UBE3A: variants seen among roughly 807,000 people sequenced by gnomAD.
The protein encoded by UBE3A is ubiquitin protein ligase E3A.
UBE3A carries 6 observed loss-of-function variants against 83.4 expected under a neutral mutation model. That is an observed-to-expected ratio of 0.07 (90% CI 0.04 to 0.14). The LOEUF (loss-of-function observed/expected upper bound fraction) is 0.14, where lower values mean the gene tolerates loss of function less well. UBE3A is among the 10% of genes least tolerant of loss of function. The pLI is 1.00. For synonymous variants in UBE3A, 337 were observed against 355.4 expected (o/e 0.95, Z 0.58); for missense variants, 456 against 1,036.1 (o/e 0.44, Z 7.69).
chr15:25,355,410 T>G (rs1439590650), intron 9 of UBE3A, among the ~76,000 whole-genome samples: 1 of 152,186 alleles, frequency 6.6e-6, no homozygotes, highest in Non-Finnish European at 1.5e-5. Context: ...TGTCATAATT[T>G]TTTGCTTGTT....
At chr15:25,390,712 T>C (rs1015906613) in intron 4 of UBE3A, among the ~76,000 whole-genome samples, 8 of 152,184 alleles carry the variant, frequency 5.3e-5, no homozygotes, top group Admixed American at 3.9e-4. Flanking sequence ...ATACATGTCA[T>C]TGTACTTTGT....
chr15:25,412,919 C>T (rs762384855), intron 1 of UBE3A: 5 of 379,226 alleles, frequency 1.3e-5, no homozygotes, highest in Non-Finnish European at 2.1e-5. Context: ...TCATTCAGTG[C>T]ATGAAGTAGG....
intron 6 of UBE3A, among the ~76,000 whole-genome samples, chr15:25,364,071 T>TAAATAAAA (rs1428292360): frequency 3.7e-4 from 55 of 150,618 alleles, no homozygotes; most frequent in African/African-American, 1.1e-3. Context: ...AATAAATAAA[T>TAAATAAAA]AAAAAATAGT....
intron 12 of UBE3A, chr15:25,339,620 C>T (rs971738712): frequency 1.1e-5 from 3 of 273,446 alleles, no homozygotes; most frequent in African/African-American, 6.7e-5. Context: ...AAGTAACTTC[C>T]TCTAAGGTGG....
chr15:25,363,007 T>C (rs2078376695), intron 6 of UBE3A, among the ~76,000 whole-genome samples: 1 of 152,178 alleles, frequency 6.6e-6, no homozygotes, highest in South Asian at 2.1e-4. Context: ...TTTTAAAGGA[T>C]GTGGTGGTGA....
chr15:25,355,817 C>T (rs986801956), intron 9 of UBE3A, 75 bp downstream of exon 9: 12 of 1,399,512 alleles, frequency 8.6e-6, no homozygotes, highest in Non-Finnish European at 1.2e-5. Flanking sequence ...TTAGATACTT[C>T]TTTAAAAATT....
chr15:25,425,783 G>C (rs966559780), intron 1 of UBE3A, among the ~76,000 whole-genome samples: 2 of 152,142 alleles, frequency 1.3e-5, no homozygotes, highest in East Asian at 3.9e-4. Flanking sequence ...AGGGATGGTG[G>C]GGCAACTACC....
chr15:25,384,223 G>A (rs1057054444), intron 4 of UBE3A, among the ~76,000 whole-genome samples: 1 of 152,074 alleles, frequency 6.6e-6, no homozygotes, highest in African/African-American at 2.4e-5. Context: ...AGTTTGGGAG[G>A]CCAAGGTGGG....
chr15:25,402,054 G>C (rs1298314767), intron 4 of UBE3A, among the ~76,000 whole-genome samples: 1 of 152,068 alleles, frequency 6.6e-6, no homozygotes, highest in Non-Finnish European at 1.5e-5. Flanking sequence ...CTTTATGGTT[G>C]GTTCAGGTGC....
chr15:25,371,906 T>C lies in UBE3A; in HGVS notation c.362-94A>G. 2 of 1,219,540 alleles carry C rather than the reference T, an allele frequency of 1.6e-6. No individual in the cohort carries two copies. Among genetic ancestry groups the C allele is most frequent in the Non-Finnish European group, 2.3e-6 (2 of 881,740 alleles). The allele number at this position is 1,219,540 out of a possible 1,614,324, so 75.5% of individuals were successfully genotyped here. A position where few individuals can be genotyped will look rare whatever the true frequency, so the allele number is the denominator to read the frequency against. ...TTCTAAAAGTAAAACAGCCAAACAT[T>C]CTAGGCTCAATATCATTTATGATAT... On this transcript the variant is annotated intron_variant, in intron 5 of 12. Coordinates refer to ENST00000648336, the MANE Select transcript of UBE3A (RefSeq NM_130839.5). The surrounding 1 kb of genome is among the most constrained non-coding windows in gnomAD (Gnocchi z 5.3).
intron 1 of UBE3A, among the ~76,000 whole-genome samples, chr15:25,412,781 A>G (rs1304303910): frequency 2.0e-5 from 3 of 152,182 alleles, no homozygotes; most frequent in Non-Finnish European, 4.4e-5. Context: ...CACTGCATAT[A>G]AAACATTTTG....
Position 25,373,078 on chromosome 15 carries a change from C to G in UBE3A, c.362-1266G>C, listed in dbSNP as rs563175373. On this transcript the variant is annotated intron_variant, in intron 5 of 12. Coordinates refer to ENST00000648336, the MANE Select transcript of UBE3A (RefSeq NM_130839.5). The stretch of plus-strand genomic sequence containing the variant: ...GGCCTTAACTCTTTAAGAACTAATT[C>G]TCAGGTTTGTTCTATTAAGAATATA... Among the ~76,000 whole-genome samples, 8 of 152,258 alleles carry G rather than the reference C, an allele frequency of 5.3e-5. No homozygotes were observed. In the South Asian group the frequency reaches 1.7e-3, roughly 32 times the overall value.
At chr15:25,430,764 T>C (rs1893224302) in intron 1 of UBE3A, among the ~76,000 whole-genome samples, 1 of 152,164 alleles carries the variant, frequency 6.6e-6, no homozygotes, top group South Asian at 2.1e-4. Flanking sequence ...TTTCTTATAA[T>C]CTTCAATCCA....
At chr15:25,386,851 T>C (rs2083250949) in intron 4 of UBE3A, among the ~76,000 whole-genome samples, 2 of 152,142 alleles carry the variant, frequency 1.3e-5, no homozygotes, top group Non-Finnish European at 2.9e-5. Context: ...AGATTATTAT[T>C]CAAAAGTTAA....
intron 4 of UBE3A, among the ~76,000 whole-genome samples, chr15:25,382,511 CA>C (rs2082363438): frequency 6.6e-6 from 1 of 150,652 alleles, no homozygotes; most frequent in Non-Finnish European, 1.5e-5. Context: ...CTTAAATCAA[CA>C]AATTAACTTT....
At chr15:25,437,549 G>A (rs546603662) in intron 1 of UBE3A, among the ~76,000 whole-genome samples, 22 of 152,210 alleles carry the variant, frequency 1.4e-4, no homozygotes, top group Non-Finnish European at 2.6e-4. Flanking sequence ...CATGATTGAG[G>A]TTAACTGTGC....
intron 3 of UBE3A, among the ~76,000 whole-genome samples, chr15:25,406,668 A>AAC (rs1166923360): frequency 6.9e-6 from 1 of 145,644 alleles, no homozygotes; most frequent in Admixed American, 7.1e-5. Flanking sequence ...AAGCAACTCT[A>AAC]ACAAGAATCT....
chr15:25,385,242 T>G lies in UBE3A; in HGVS notation c.63-9479A>C, dbSNP rs192389781. On this transcript the variant is annotated intron_variant, in intron 4 of 12. Transcript: ENST00000648336. ...ATATCCAGAATATATAAATAACTCC[T>G]ACAATTCAACAACAAAAAATCTAGT... is the stretch of plus-strand genomic sequence containing the variant. 1.1e-4 allele frequency among the ~76,000 whole-genome samples: 17 copies of G among 152,300 alleles called. No individual in the cohort carries two copies. In the East Asian group the frequency reaches 3.3e-3, roughly 29 times the overall value.
At chr15:25,361,801 G>A (rs1473817265) in intron 6 of UBE3A, among the ~76,000 whole-genome samples, 1 of 152,054 alleles carries the variant, frequency 6.6e-6, no homozygotes, top group Non-Finnish European at 1.5e-5. Flanking sequence ...ATGTTTTCAG[G>A]TTATTCCAAC....
Sources: allele counts gnomAD v4.1 joint callset (sites outside exome capture counted in the v4.1 genomes callset), GRCh38; gene constraint gnomAD v4.1.1; non-coding constraint Gnocchi (gnomAD v3.1); transcripts MANE v1.5; gene names NCBI Gene and HGNC (gene_info 2026-07-23, HGNC 2026-07-21).